Variants in PPP2R2B observed in about 807,000 individuals in gnomAD.
PPP2R2B encodes protein phosphatase 2 regulatory subunit Bbeta.
A neutral mutation model predicts 46.0 loss-of-function variants in PPP2R2B; 5 were observed. The observed-to-expected ratio is 0.11, with a 90% confidence interval of 0.06 to 0.23. PPP2R2B has a LOEUF of 0.23. PPP2R2B is among the 10% of genes least tolerant of loss of function. PPP2R2B has a pLI of 1.00. For synonymous variants in PPP2R2B, 215 were observed against 206.7 expected (o/e 1.04, Z -0.34); for missense variants, 367 against 575.0 (o/e 0.64, Z 3.70).
intron 2 of PPP2R2B, among the ~76,000 whole-genome samples, chr5:146,747,301 T>C (rs530551647): frequency 6.6e-6 from 1 of 152,270 alleles, no homozygotes; most frequent in Non-Finnish European, 1.5e-5. Context: ...ACTGGAAAGA[T>C]CCCAGTAGAG....
At chr5:147,060,847 G>T (rs1561606531), upstream of PPP2R2B, among the ~76,000 whole-genome samples, 1 of 152,062 alleles carries the variant, frequency 6.6e-6, no homozygotes, top group African/African-American at 2.4e-5. Context: ...GGTAAAAATT[G>T]GACTTTTTTT....
chr5:146,897,312 G>A (rs572912580), intron 1 of PPP2R2B, among the ~76,000 whole-genome samples: 51 of 152,268 alleles, frequency 3.3e-4, no homozygotes, highest in Non-Finnish European at 2.2e-4. Flanking sequence ...CCTGCCCCCC[G>A]TTCCCACTGT....
intron 1 of PPP2R2B, among the ~76,000 whole-genome samples, chr5:146,992,107 C>G (rs1753721746): frequency 6.6e-6 from 1 of 152,102 alleles, no homozygotes. Flanking sequence ...ATTAAACCAC[C>G]TGATTTCAAA....
At chr5:146,809,549 C>T (rs1270177152) in intron 2 of PPP2R2B, among the ~76,000 whole-genome samples, 1 of 151,978 alleles carries the variant, frequency 6.6e-6, no homozygotes, top group Non-Finnish European at 1.5e-5. Context: ...AGGGAGTGGT[C>T]AGAGAAGACC....
At chr5:146,683,739 G>C (rs1202523044) in intron 5 of PPP2R2B, among the ~76,000 whole-genome samples, 1 of 152,186 alleles carries the variant, frequency 6.6e-6, no homozygotes, top group African/African-American at 2.4e-5. Context: ...AGGCTTGTCA[G>C]TGAGGGTAGT....
intron 2 of PPP2R2B, among the ~76,000 whole-genome samples, chr5:146,784,034 G>C (rs913089006): frequency 1.3e-5 from 2 of 152,162 alleles, no homozygotes; most frequent in Non-Finnish European, 2.9e-5. Flanking sequence ...CACCGAAATA[G>C]TGAAGGATTG....
chr5:147,072,295 G>A (rs1757625611), intron 2 of PPP2R2B, among the ~76,000 whole-genome samples: 1 of 152,196 alleles, frequency 6.6e-6, no homozygotes, highest in Non-Finnish European at 1.5e-5. Context: ...AAGTAGAAAA[G>A]TCCTGTGTAT....
rs560749853 is a variant in PPP2R2B at position 146,833,103 on chromosome 5, G to C, written c.70+44899C>G. Among the ~76,000 whole-genome samples the C allele has an allele frequency of 4.0e-5, 6 of 151,880 alleles. No individual in the cohort carries two copies. The East Asian group carries it at 1.2e-3, about 29-fold the overall frequency. On this transcript the variant is annotated intron_variant, in intron 2 of 9. Transcript: ENST00000394411. ...CATACTTCCAGCTGAAACTTCACAG[G>C]CTGCTTTCATTTTTTACTTAGTTTC...
chr5:146,779,865 G>A (rs1755403061), intron 2 of PPP2R2B, among the ~76,000 whole-genome samples: 2 of 152,214 alleles, frequency 1.3e-5, no homozygotes, highest in South Asian at 4.1e-4. Flanking sequence ...TAATTTCCTG[G>A]ATTAATAATA....
intron 2 of PPP2R2B, among the ~76,000 whole-genome samples, chr5:146,873,761 C>A (rs1455063270): frequency 6.6e-6 from 1 of 152,196 alleles, no homozygotes; most frequent in Non-Finnish European, 1.5e-5. Context: ...CAGGCATACA[C>A]CACCATGGCT....
At chr5:146,683,012 C>G (rs1454468753) in intron 5 of PPP2R2B, among the ~76,000 whole-genome samples, 2 of 152,068 alleles carry the variant, frequency 1.3e-5, no homozygotes, top group African/African-American at 4.8e-5. Context: ...GGTCTCAAAC[C>G]CATCTGATCT....
At chr5:147,046,382 G>C (rs879542654) in intron 1 of PPP2R2B, among the ~76,000 whole-genome samples, 9 of 152,128 alleles carry the variant, frequency 5.9e-5, no homozygotes, top group Admixed American at 3.3e-4. Context: ...TGCTTTTGCA[G>C]ACACTTGTGA....
chr5:146,834,541 T>G (rs1328981929), intron 2 of PPP2R2B, among the ~76,000 whole-genome samples: 1 of 152,242 alleles, frequency 6.6e-6, no homozygotes, highest in African/African-American at 2.4e-5. Context: ...ACAACTCTGA[T>G]TGGTGCTCTG....
chr5:147,041,557 AT>A (rs931743869), intron 1 of PPP2R2B, among the ~76,000 whole-genome samples: 11 of 148,860 alleles, frequency 7.4e-5, no homozygotes, highest in Admixed American at 2.7e-4. Context: ...CAGTGGTGCC[AT>A]TTTTTTTTTA....
In PPP2R2B at chr5:146,814,162, A is replaced by T. The variant is rs116958790; in HGVS notation, c.70+63840T>A. ...AATGGGGGTAAAACACTCCCTCCCCAAATAAATACTGAAGGTAGAGAAAAC... is the reference window on the plus strand; with the variant it reads ...AATGGGGGTAAAACACTCCCTCCCCTAATAAATACTGAAGGTAGAGAAAAC... On this transcript the variant is annotated intron_variant, in intron 2 of 9. Coordinates refer to ENST00000394411, the MANE Select transcript of PPP2R2B (RefSeq NM_181675.4). Among the ~76,000 whole-genome samples the T allele has an allele frequency of 5.8e-4, 88 of 151,936 alleles. No homozygotes were observed. The East Asian group carries it at 0.017, about 29-fold the overall frequency.
At chr5:146,716,187 A>G (rs1035177381) in intron 2 of PPP2R2B, among the ~76,000 whole-genome samples, 1 of 148,540 alleles carries the variant, frequency 6.7e-6, no homozygotes, top group Non-Finnish European at 1.5e-5. Context: ...GTAAATACAC[A>G]AATCCTTCAA....
At chr5:146,820,786 A>G (rs1758208481) in intron 2 of PPP2R2B, among the ~76,000 whole-genome samples, 1 of 152,020 alleles carries the variant, frequency 6.6e-6, no homozygotes, top group Admixed American at 6.6e-5. Flanking sequence ...TACTTTCTTC[A>G]TTTAAGTTCC....
intron 5 of PPP2R2B, among the ~76,000 whole-genome samples, chr5:146,651,272 A>G (rs1162785370): frequency 2.6e-5 from 4 of 152,148 alleles, no homozygotes. Context: ...AGCCACTAAT[A>G]TATAGGGAAC....
intron 1 of PPP2R2B, among the ~76,000 whole-genome samples, chr5:146,954,656 A>G (rs1275166825): frequency 1.3e-5 from 2 of 152,142 alleles, no homozygotes; most frequent in African/African-American, 2.4e-5. Context: ...TAACCTATGA[A>G]AATAAAAAAT....
Sources: allele counts gnomAD v4.1 joint callset (sites outside exome capture counted in the v4.1 genomes callset), GRCh38; gene constraint gnomAD v4.1.1; transcripts MANE v1.5; gene names NCBI Gene and HGNC (gene_info 2026-07-23, HGNC 2026-07-21).